ATP2B3: variants seen among roughly 807,000 people sequenced by gnomAD.
ATP2B3 encodes plasma membrane calcium-transporting ATPase 3.
ATP2B3 carries 12 observed loss-of-function variants against 70.8 expected under a neutral mutation model. That is an observed-to-expected ratio of 0.17 (90% CI 0.11 to 0.27). ATP2B3 has a LOEUF of 0.27. ATP2B3 is among the 10% of genes least tolerant of loss of function. The pLI is 1.00. For synonymous variants in ATP2B3, 460 were observed against 497.8 expected (o/e 0.92, Z 1.01); for missense variants, 858 against 1,118.5 (o/e 0.77, Z 3.32).
At chrX:153,521,868 G>A (rs782123030) in intron 2 of ATP2B3, among the ~76,000 whole-genome samples, 5 of 111,906 alleles carry the variant, frequency 4.5e-5, no homozygotes, top group Admixed American at 1.9e-4. Context: ...CATCACTCCC[G>A]AATGCTCTGT....
chrX:153,541,862 C>T lies in ATP2B3; in HGVS notation c.600C>T (p.Asn200=), dbSNP rs139830103. The T allele has an allele frequency of 3.8e-5, 46 of 1,209,841 alleles. 2 individuals carry two copies. The Admixed American group carries it at 7.2e-4, about 19-fold the overall frequency. The change falls in exon 5 of 22, where the codon AAC becomes AAT. Residue 200 remains asparagine (N), a synonymous_variant. Transcript: ENST00000263519. The stretch of plus-strand genomic sequence containing the variant: ...AGCAGAAGTTCACGGTCATCCGGAA[C>T]GGGCAGCTCCTCCAGGTCCCCGTGG... ...EQEQKFTVIR[N]GQLLQVPVAA... is the part of the protein sequence containing the mutation.
intron 9 of ATP2B3, among the ~76,000 whole-genome samples, 192 bp downstream of exon 9, chrX:153,548,191 G>A (rs1185637501): frequency 8.9e-6 from 1 of 112,862 alleles, no homozygotes; most frequent in Non-Finnish European, 1.9e-5. Flanking sequence ...TCCCTAGTGA[G>A]CAGAAGTCCC....
At position 153,575,638 on chromosome X, in the gene ATP2B3, G is replaced by A. The variant is rs184348515; in HGVS notation, c.3343-4340G>A. On this transcript the variant is annotated intron_variant, in intron 21 of 21. Coordinates refer to ENST00000263519, the MANE Select transcript of ATP2B3 (RefSeq NM_001001344.3). ...CTGGATGGCGTTTGAAGGGAGCCAC[G>A]GGGCTGGGGCCGGGGGGGTTGGGCC... Among the ~76,000 whole-genome samples the A allele has an allele frequency of 4.7e-3, 519 of 111,374 alleles. 2 individuals carry two copies. The highest frequency in any genetic ancestry group is 0.016 in the African/African-American group (498 of 30,631).
intron 21 of ATP2B3, 61 bp from the exon 22 acceptor site, chrX:153,579,917 C>CCCTT: frequency 9.7e-7 from 1 of 1,035,640 alleles, no homozygotes; most frequent in Non-Finnish European, 1.3e-6. Context: ...CCTTTCCTTT[C>CCCTT]CCTTCCTTTC....
chrX:153,550,871 C>T (rs1374019645), intron 12 of ATP2B3, among the ~76,000 whole-genome samples: 5 of 111,525 alleles, frequency 4.5e-5, no homozygotes, highest in African/African-American at 6.5e-5. Flanking sequence ...GCTAGGATTA[C>T]AGGAATGAGC....
chrX:153,535,970 T>C (rs1359063526), intron 2 of ATP2B3, among the ~76,000 whole-genome samples, 152 bp from the exon 3 acceptor site: 4 of 112,988 alleles, frequency 3.5e-5, no homozygotes, highest in Middle Eastern at 4.6e-3. Context: ...TGGCAGAGCA[T>C]GAGGGCCACT....
chrX:153,548,513 A>G, intron 9 of ATP2B3, 127 bp from the exon 10 acceptor site: 1 of 612,572 alleles, frequency 1.6e-6, no homozygotes. Flanking sequence ...CCTGAAACGC[A>G]AGGCAAATCT....
intron 21 of ATP2B3, among the ~76,000 whole-genome samples, chrX:153,565,769 G>A (rs1219134743): frequency 1.8e-5 from 2 of 112,388 alleles, no homozygotes; most frequent in South Asian, 3.7e-4. Flanking sequence ...CTCCAGACTC[G>A]CTGTGTCTCC....
chrX:153,562,930 A>T (rs1261696575), intron 20 of ATP2B3, among the ~76,000 whole-genome samples: 1 of 111,046 alleles, frequency 9.0e-6, no homozygotes, highest in African/African-American at 3.3e-5. Context: ...CCGCCTCCTC[A>T]CTCTGTGCTC....
intron 21 of ATP2B3, among the ~76,000 whole-genome samples, chrX:153,572,476 G>A (rs2090802719): frequency 8.9e-6 from 1 of 112,283 alleles, no homozygotes; most frequent in African/African-American, 3.2e-5. Context: ...GTGCCCCTGG[G>A]GCCAATGCAG....
At chrX:153,552,748 G>T (rs782245714) in intron 12 of ATP2B3, among the ~76,000 whole-genome samples, 55 of 112,428 alleles carry the variant, frequency 4.9e-4, no homozygotes, top group Admixed American at 4.5e-3. Flanking sequence ...AGCAGGGCGT[G>T]GGCAGGGCCG....
At chrX:153,526,395 C>T (rs1556999842) in intron 2 of ATP2B3, among the ~76,000 whole-genome samples, 2 of 111,497 alleles carry the variant, frequency 1.8e-5, no homozygotes, top group East Asian at 5.7e-4. Flanking sequence ...GGGTCCCGGC[C>T]TGAGAGGGGG....
intron 2 of ATP2B3, among the ~76,000 whole-genome samples, chrX:153,534,684 G>A (rs1327395816): frequency 4.4e-5 from 5 of 113,259 alleles, no homozygotes; most frequent in Non-Finnish European, 9.4e-5. Context: ...GGGAGAGGTG[G>A]GGAGAGAGGA....
chrX:153,560,026 C>A, intron 18 of ATP2B3, 84 bp downstream of exon 18: 1 of 967,835 alleles, frequency 1.0e-6, no homozygotes, highest in Non-Finnish European at 1.4e-6. Flanking sequence ...TGTGTCTCCA[C>A]CTGTGTCTCC....
chrX:153,578,208 CA>C (rs1271535584), intron 21 of ATP2B3, among the ~76,000 whole-genome samples: 2 of 112,645 alleles, frequency 1.8e-5, no homozygotes, highest in African/African-American at 6.5e-5. Context: ...CAAGCCCTGA[CA>C]CCTTGTCTAA....
chrX:153,528,277 C>T (rs782181864), intron 2 of ATP2B3, among the ~76,000 whole-genome samples: 4 of 112,442 alleles, frequency 3.6e-5, no homozygotes, highest in African/African-American at 9.7e-5. Context: ...TCTGGCTTGC[C>T]GTGTGACCTT....
At chrX:153,545,251 G>A (rs1362236557) in intron 7 of ATP2B3, among the ~76,000 whole-genome samples, 3 of 113,579 alleles carry the variant, frequency 2.6e-5, no homozygotes, top group African/African-American at 9.6e-5. Flanking sequence ...TTGGGGCCCA[G>A]CCTGGCCTTG....
At chrX:153,562,281 C>T in intron 20 of ATP2B3, 39 bp downstream of exon 20, 1 of 1,144,059 alleles carries the variant, frequency 8.7e-7, no homozygotes, top group South Asian at 1.9e-5. Context: ...GACTGCCCTG[C>T]AGACAGCTTC....
At chrX:153,560,642 T>C (rs2090611192) in intron 18 of ATP2B3, 34 bp from the exon 19 acceptor site, 2 of 1,198,134 alleles carry the variant, frequency 1.7e-6, no homozygotes, top group African/African-American at 1.8e-5. Flanking sequence ...TGCGCTGAGA[T>C]GACTGTGCCT....
Sources: allele counts gnomAD v4.1 joint callset (sites outside exome capture counted in the v4.1 genomes callset), GRCh38; gene constraint gnomAD v4.1.1; transcripts MANE v1.5; gene names NCBI Gene and HGNC (gene_info 2026-07-23, HGNC 2026-07-21).